MADD: variants seen among roughly 807,000 people sequenced by gnomAD.
MADD encodes MAP kinase activating death domain.
Under a neutral mutation model 176.7 loss-of-function variants are expected in MADD, and 109 were observed. The ratio of observed to expected loss-of-function variants is 0.62; its 90% CI spans 0.53 to 0.72. The LOEUF (loss-of-function observed/expected upper bound fraction) is 0.72. MADD is among the 30% of genes least tolerant of loss of function. MADD has a pLI of 0.00. For synonymous variants in MADD, 771 were observed against 771.3 expected (o/e 1.00, Z 0.01); for missense variants, 1,914 against 2,045.5 (o/e 0.94, Z 1.24).
chr11:47,273,801 C>A, intron 1 of MADD, 26 bp from the exon 2 acceptor site: 2 of 849,220 alleles, frequency 2.4e-6, no homozygotes, highest in Non-Finnish European at 3.9e-6. Context: ...AGCAGTGGAT[C>A]TTATCAGTAC....
chr11:47,314,344 G>A (rs2091860687), intron 26 of MADD, among the ~76,000 whole-genome samples: 3 of 152,136 alleles, frequency 2.0e-5, no homozygotes, highest in South Asian at 2.1e-4. Context: ...CAAAGTGTTG[G>A]GATTATAGGA....
At chr11:47,313,635 A>G (rs59693089) in intron 26 of MADD, among the ~76,000 whole-genome samples, 4,082 of 152,100 alleles carry the variant, frequency 0.027, 188 homozygotes, top group African/African-American at 0.093. Context: ...CTAAATACCA[A>G]TGTATGATGT....
At chr11:47,312,455 A>G (rs955221051) in intron 26 of MADD, among the ~76,000 whole-genome samples, 2 of 150,554 alleles carry the variant, frequency 1.3e-5, no homozygotes. Context: ...ACAGAGTTTC[A>G]CTCTCTTGTT....
chr11:47,313,846 G>A (rs184913339), intron 26 of MADD, among the ~76,000 whole-genome samples: 19 of 151,814 alleles, frequency 1.3e-4, no homozygotes, highest in East Asian at 3.9e-4. Flanking sequence ...TACAACCTCC[G>A]CCTCCCAGGT....
At chr11:47,296,787 C>T (rs1221284200) in intron 22 of MADD, among the ~76,000 whole-genome samples, 16 of 79,970 alleles carry the variant, frequency 2.0e-4, no homozygotes, top group South Asian at 9.7e-4. Flanking sequence ...TTTTTTTTTA[C>T]ACAGGGTCTC....
intron 7 of MADD, among the ~76,000 whole-genome samples, chr11:47,279,709 G>T (rs1183791318): frequency 2.0e-5 from 3 of 151,938 alleles, no homozygotes; most frequent in Non-Finnish European, 2.9e-5. Context: ...GTGGAAGTTA[G>T]TAGTGTGGAC....
intron 22 of MADD, among the ~76,000 whole-genome samples, chr11:47,307,577 C>T (rs1485305960): frequency 6.6e-6 from 1 of 152,056 alleles, no homozygotes; most frequent in Admixed American, 6.5e-5. Flanking sequence ...TCAGTTGCCT[C>T]TCTACTTACT....
intron 26 of MADD, 76 bp from the exon 30 acceptor site, chr11:47,315,144 C>A: frequency 1.2e-6 from 1 of 814,390 alleles, no homozygotes; most frequent in East Asian, 2.5e-5. Context: ...AATTTGATTG[C>A]TGGATGGGGA....
intron 27 of MADD, among the ~76,000 whole-genome samples, chr11:47,319,189 T>A (rs977882224): frequency 6.7e-6 from 1 of 149,640 alleles, no homozygotes; most frequent in Non-Finnish European, 1.5e-5. Context: ...TGGAGTGCAG[T>A]GGCACAATCT....
chr11:47,311,377 C>G (rs1053657527), intron 25 of MADD, among the ~76,000 whole-genome samples: 4 of 152,138 alleles, frequency 2.6e-5, no homozygotes, highest in Non-Finnish European at 5.9e-5. Context: ...CTGGTGTTGC[C>G]ACTCTAAGTC....
intron 19 of MADD, among the ~76,000 whole-genome samples, chr11:47,292,085 A>G (rs879854089): frequency 5.9e-5 from 9 of 152,222 alleles, no homozygotes; most frequent in Middle Eastern, 6.8e-3. Context: ...TTCCTTCTGA[A>G]ACTCTGGCTG....
exon 10 of MADD, chr11:47,282,948 A>G: frequency 6.2e-7 from 1 of 1,613,676 alleles, no homozygotes; most frequent in Non-Finnish European, 8.5e-7. Flanking sequence ...CGGGACTCTG[A>G]CTCCGAACCT....
chr11:47,314,646 G>T (rs558159298), intron 26 of MADD, among the ~76,000 whole-genome samples: 5 of 152,106 alleles, frequency 3.3e-5, no homozygotes, highest in Admixed American at 2.0e-4. Flanking sequence ...TTCTGGTGTA[G>T]TGTTAAAGAA....
At chr11:47,313,014 A>G (rs1674110783) in intron 26 of MADD, among the ~76,000 whole-genome samples, 1 of 152,180 alleles carries the variant, frequency 6.6e-6, no homozygotes, top group African/African-American at 2.4e-5. Context: ...CAATTAATAA[A>G]CCATGGTTAT....
At chr11:47,282,492 C>T in exon 9 of MADD, 5 of 1,614,198 alleles carry the variant, frequency 3.1e-6, no homozygotes, top group Non-Finnish European at 4.2e-6. Flanking sequence ...AAGCTGGCTC[C>T]TTTCTAGCCT....
chr11:47,269,714 G>C (rs1461281169), upstream of MADD: 1 of 151,546 alleles, frequency 6.6e-6, no homozygotes, highest in Non-Finnish European at 1.5e-5. Flanking sequence ...CTCGGCAGCC[G>C]GCTTCCCTGC....
At position 47,324,995 on chromosome 11, in the gene MADD, G is replaced by C. The variant is rs2095252539; in HGVS notation, c.4542+418G>C. The C allele has an allele frequency of 5.4e-6, 3 of 558,232 alleles. No homozygotes were observed. The East Asian group carries it at 9.2e-5, about 17-fold the overall frequency. The allele number at this position is 558,232 out of a possible 1,614,324, so 34.6% of individuals were successfully genotyped here. On this transcript the variant is annotated intron_variant, in intron 30 of 32. Transcript: ENST00000402192. ...CTTGTGTCTTTCTGGTGTGCGTGCAGCTTGCGTGTGCGTGCGTGCGTGCCT... is the reference window on the plus strand; with the variant it reads ...CTTGTGTCTTTCTGGTGTGCGTGCACCTTGCGTGTGCGTGCGTGCGTGCCT...
chr11:47,295,814 A>T, intron 21 of MADD, 83 bp from the exon 24 acceptor site: 1 of 1,536,198 alleles, frequency 6.5e-7, no homozygotes, highest in Non-Finnish European at 8.7e-7. Flanking sequence ...ATACTTTTTT[A>T]TGGTGGCAGG....
chr11:47,319,456 G>C (rs1439443675), intron 27 of MADD, among the ~76,000 whole-genome samples: 3 of 151,868 alleles, frequency 2.0e-5, no homozygotes, highest in Non-Finnish European at 2.9e-5. Flanking sequence ...AATTGTCTTT[G>C]TTGCCCTTTT....
Sources: gnomAD v4.1 joint callset for allele counts (sites outside exome capture counted in the v4.1 genomes callset) on GRCh38, gnomAD v4.1.1 for gene constraint, MANE v1.5 for transcripts, NCBI Gene and HGNC (gene_info 2026-07-23, HGNC 2026-07-21) for gene names.